TENM4: variants seen among roughly 807,000 people sequenced by gnomAD.
TENM4 encodes teneurin transmembrane protein 4.
A neutral mutation model predicts 243.3 loss-of-function variants in TENM4; 82 were observed. The observed-to-expected ratio is 0.34, with a 90% confidence interval of 0.28 to 0.40. The LOEUF (loss-of-function observed/expected upper bound fraction) is 0.40, where lower values mean the gene tolerates loss of function less well. Among genes scored for constraint, TENM4 ranks in the 10% least tolerant of loss-of-function variants. The pLI, the probability that TENM4 is intolerant of heterozygous loss-of-function variation, is 1.00. For missense variants in TENM4, 3,138 were observed against 3,673.3 expected (o/e 0.85, Z 3.77); for synonymous variants, 1,412 against 1,456.3 (o/e 0.97, Z 0.69).
chr11:79,156,825 T>A (rs923888509), intron 3 of TENM4, among the ~76,000 whole-genome samples: 38 of 152,182 alleles, frequency 2.5e-4, no homozygotes, highest in African/African-American at 9.2e-4. Context: ...CCAAAAATAA[T>A]TTAAGGAAGC....
At chr11:78,710,768 T>C (rs935800686) in intron 26 of TENM4, among the ~76,000 whole-genome samples, 1 of 152,150 alleles carries the variant, frequency 6.6e-6, no homozygotes, top group Non-Finnish European at 1.5e-5. Context: ...CTGCATATCG[T>C]GGCACCCTTG....
chr11:79,307,729 C>G (rs1466021425), intron 1 of TENM4, among the ~76,000 whole-genome samples: 4 of 152,198 alleles, frequency 2.6e-5, no homozygotes, highest in Admixed American at 2.6e-4. Context: ...TTTTTGCTCT[C>G]TCTGTGTCTC....
At chr11:79,290,851 A>G (rs554531389) in intron 2 of TENM4, among the ~76,000 whole-genome samples, 2 of 152,328 alleles carry the variant, frequency 1.3e-5, no homozygotes, top group South Asian at 4.1e-4. Context: ...ATGAATGCAA[A>G]GTACATAGTA....
intron 6 of TENM4, among the ~76,000 whole-genome samples, chr11:78,989,823 G>T (rs1342472667): frequency 6.6e-6 from 1 of 152,110 alleles, no homozygotes; most frequent in East Asian, 1.9e-4. Context: ...GGAGGCTGAG[G>T]CAGGCAGATC....
intron 2 of TENM4, among the ~76,000 whole-genome samples, chr11:79,227,787 C>T (rs964738562): frequency 3.3e-5 from 5 of 152,162 alleles, no homozygotes; most frequent in East Asian, 1.9e-4. Context: ...AAAGCTTGGT[C>T]AGGTTAGGGT....
At chr11:79,074,115 A>G (rs1860479995) in intron 4 of TENM4, among the ~76,000 whole-genome samples, 2 of 152,254 alleles carry the variant, frequency 1.3e-5, no homozygotes, top group Admixed American at 1.3e-4. Flanking sequence ...TGAGGCAGGG[A>G]GAACATTCGC....
At chr11:79,269,945 T>C (rs983059771) in intron 2 of TENM4, among the ~76,000 whole-genome samples, 1 of 152,202 alleles carries the variant, frequency 6.6e-6, no homozygotes, top group Non-Finnish European at 1.5e-5. Flanking sequence ...TCTGGCTCTG[T>C]AGATGTCCTG....
chr11:79,358,281 C>A (rs1857530642), intron 1 of TENM4, among the ~76,000 whole-genome samples: 1 of 152,182 alleles, frequency 6.6e-6, no homozygotes. Context: ...CTAAAATGAC[C>A]TTTAGCACAG....
intron 1 of TENM4, among the ~76,000 whole-genome samples, chr11:79,381,531 T>C (rs1247372316): frequency 6.6e-6 from 1 of 150,702 alleles, no homozygotes; most frequent in Non-Finnish European, 1.5e-5. Flanking sequence ...GTTGACCGAA[T>C]TGAGTTCATT....
chr11:78,849,893 A>C (rs1000740916), intron 12 of TENM4, among the ~76,000 whole-genome samples: 2 of 152,198 alleles, frequency 1.3e-5, no homozygotes, highest in Non-Finnish European at 2.9e-5. Context: ...AGTGATATAC[A>C]TTCTCCTCCT....
rs148938088 is a variant in TENM4, at chr11:79,235,271, C to T, written c.-264-19362G>A. Among the ~76,000 whole-genome samples, 279 of 152,138 alleles carry T rather than the reference C, an allele frequency of 1.8e-3. 1 individual carries two copies. The highest frequency in any genetic ancestry group is 6.4e-3 in the African/African-American group (267 of 41,500). On this transcript the variant is annotated intron_variant, in intron 2 of 33. Transcript: ENST00000278550. ...GAGGTTGCAGTGAGCCAAGATATCG[C>T]GCCACTGCACTCCAGCCTGGGTGAC... is the stretch of plus-strand genomic sequence containing the variant.
At position 78,729,386 on chromosome 11, in the gene TENM4, T is replaced by G; in HGVS notation, c.3396A>C (p.Ser1132=). 3 of 1,575,448 alleles carry G rather than the reference T, an allele frequency of 1.9e-6. No individual in the cohort carries two copies. In the South Asian group the frequency reaches 3.5e-5, roughly 18 times the overall value. The change falls in exon 22 of 34, where the codon TCA becomes TCC. Residue 1132 remains serine (S), a synonymous_variant. Coordinates refer to ENST00000278550, the MANE Select transcript of TENM4 (RefSeq NM_001098816.3). ...AGCCGGGAGGCTTACCAAAGGCTTC[T>G]GAAAGCCCAAACACCTTCTGGTTGT... The part of the protein sequence containing the change: ...DVYNQKVFGL[S]EAFVSVGYEY...
intron 16 of TENM4, among the ~76,000 whole-genome samples, chr11:78,779,353 A>C (rs530181469): frequency 6.6e-6 from 1 of 152,368 alleles, no homozygotes; most frequent in African/African-American, 2.4e-5. Flanking sequence ...AAAGCAAAGA[A>C]AATCTGACCA....
At chr11:78,839,243 TA>T (rs1565401043) in intron 12 of TENM4, among the ~76,000 whole-genome samples, 1 of 152,238 alleles carries the variant, frequency 6.6e-6, no homozygotes, top group African/African-American at 2.4e-5. Flanking sequence ...ATTAAACTTA[TA>T]AATTGACATA....
At chr11:78,836,177 G>A (rs760747725) in intron 12 of TENM4, among the ~76,000 whole-genome samples, 4 of 151,182 alleles carry the variant, frequency 2.6e-5, no homozygotes, top group Non-Finnish European at 5.9e-5. Flanking sequence ...CACCAACATG[G>A]TGAAATCCTG....
At chr11:78,975,967 G>A (rs673934) in intron 6 of TENM4, among the ~76,000 whole-genome samples, 48,914 of 151,956 alleles carry the variant, frequency 0.32, 8,333 homozygotes, top group Middle Eastern at 0.39. Context: ...AAACAGAGGC[G>A]GCTTAAGGTC....
chr11:79,333,502 C>T (rs1036975584), intron 1 of TENM4, among the ~76,000 whole-genome samples: 29 of 152,194 alleles, frequency 1.9e-4, no homozygotes, highest in African/African-American at 6.8e-4. Context: ...TTGAGCAGAG[C>T]CCAGACAGGC....
At chr11:78,808,272 G>A (rs1440072601) in intron 14 of TENM4, among the ~76,000 whole-genome samples, 3 of 152,170 alleles carry the variant, frequency 2.0e-5, no homozygotes, top group African/African-American at 4.8e-5. Context: ...GGTCTTAAAG[G>A]TGTTCAACCT....
intron 6 of TENM4, among the ~76,000 whole-genome samples, chr11:79,025,147 A>T (rs1859041356): frequency 6.6e-6 from 1 of 152,200 alleles, no homozygotes; most frequent in African/African-American, 2.4e-5. Context: ...GATTTGGCTA[A>T]GTACCCCTCT....
Sources: allele counts gnomAD v4.1 joint callset (sites outside exome capture counted in the v4.1 genomes callset), GRCh38; gene constraint gnomAD v4.1.1; transcripts MANE v1.5; gene names NCBI Gene and HGNC (gene_info 2026-07-23, HGNC 2026-07-21).